MDGA2: variants seen among roughly 807,000 people sequenced by gnomAD.
MDGA2 encodes MAM domain-containing glycosylphosphatidylinositol anchor protein 2.
In MDGA2, 40 loss-of-function variants were observed where a neutral mutation model predicts 117.8. The ratio of observed to expected loss-of-function variants is 0.34; its 90% confidence interval spans 0.26 to 0.44. The LOEUF (loss-of-function observed/expected upper bound fraction) is 0.44, where lower values mean the gene tolerates loss of function less well. Ranked by LOEUF, MDGA2 falls within the 20% of genes least tolerant of loss-of-function variation. MDGA2 has a pLI of 1.00. For missense variants in MDGA2, 1,123 were observed against 1,250.6 expected, an observed-to-expected ratio of 0.90 and a Z score of 1.54; for synonymous variants, 452 against 439.0, an observed-to-expected ratio of 1.03 and a Z score of -0.37.
chr14:47,408,056 C>CTTTTTTTTTTTTTT (rs56285818), intron 1 of MDGA2, among the ~76,000 whole-genome samples: 1 of 115,184 alleles, frequency 8.7e-6, no homozygotes, highest in Non-Finnish European at 1.7e-5. Context: ...GGAGATTATT[C>CTTTTTTTTTTTTTT]TTTTTTTTTT....
intron 2 of MDGA2, among the ~76,000 whole-genome samples, chr14:47,233,431 C>A (rs1886756082): frequency 1.3e-5 from 2 of 152,108 alleles, no homozygotes; most frequent in South Asian, 2.1e-4. Context: ...TTCAAGCTAG[C>A]AATTATGTGA....
chr14:46,861,952 G>A (rs1199021337), intron 14 of MDGA2, among the ~76,000 whole-genome samples: 2 of 151,946 alleles, frequency 1.3e-5, no homozygotes, highest in African/African-American at 4.8e-5. Context: ...ATTCAGCAAA[G>A]CTGATTCAGC....
intron 1 of MDGA2, among the ~76,000 whole-genome samples, chr14:47,534,015 T>A (rs548342384): frequency 1.3e-5 from 2 of 152,162 alleles, no homozygotes; most frequent in Non-Finnish European, 2.9e-5. Flanking sequence ...AGCCTAAACC[T>A]TTTCCACTAT....
intron 1 of MDGA2, among the ~76,000 whole-genome samples, chr14:47,536,275 T>C (rs548905217): frequency 3.3e-5 from 5 of 152,328 alleles, no homozygotes; most frequent in Middle Eastern, 3.4e-3. Flanking sequence ...AAATGAATCA[T>C]TAAAAACAAA....
chr14:47,207,440 T>A (rs941340906), intron 3 of MDGA2, among the ~76,000 whole-genome samples: 2 of 151,844 alleles, frequency 1.3e-5, no homozygotes, highest in Non-Finnish European at 2.9e-5. Flanking sequence ...AGGAGAGAAC[T>A]ATTATTGAGG....
In MDGA2 at chr14:47,582,932, T is replaced by A. The variant is rs75616811; in HGVS notation, c.280+91585A>T. 8.8e-4 allele frequency among the ~76,000 whole-genome samples: 134 copies of A among 152,066 alleles called. 1 individual carries two copies. Among genetic ancestry groups the A allele is most frequent in the African/African-American group, 3.1e-3 (128 of 41,560 alleles). On this transcript the variant is annotated intron_variant, in intron 1 of 16. Coordinates refer to ENST00000399232, the MANE Select transcript of MDGA2 (RefSeq NM_001113498.3). ...TGCATAAGCTTCTAATTACCGCAAGTGAGCAAATGTACATCTTATCGTGAA... is the reference window on the plus strand; with the variant it reads ...TGCATAAGCTTCTAATTACCGCAAGAGAGCAAATGTACATCTTATCGTGAA...
At chr14:47,427,581 A>G (rs1286736343) in intron 1 of MDGA2, among the ~76,000 whole-genome samples, 1 of 152,156 alleles carries the variant, frequency 6.6e-6, no homozygotes, top group Non-Finnish European at 1.5e-5. Context: ...TCTTTTTGCA[A>G]CATTCTCAGT....
intron 2 of MDGA2, among the ~76,000 whole-genome samples, chr14:47,260,653 T>C (rs1293798947): frequency 6.6e-6 from 1 of 152,084 alleles, no homozygotes; most frequent in Non-Finnish European, 1.5e-5. Flanking sequence ...TTTTTGTCTA[T>C]ATAGTCCCTG....
At chr14:47,577,541 T>C (rs897306213) in intron 1 of MDGA2, among the ~76,000 whole-genome samples, 1 of 152,146 alleles carries the variant, frequency 6.6e-6, no homozygotes, top group African/African-American at 2.4e-5. Flanking sequence ...AATCTACCCA[T>C]GTGACAAAGG....
intron 3 of MDGA2, among the ~76,000 whole-genome samples, chr14:47,174,486 T>A (rs536086884): frequency 6.6e-6 from 1 of 152,194 alleles, no homozygotes; most frequent in South Asian, 2.1e-4. Flanking sequence ...AACTCAGGAT[T>A]AAGAAACTCA....
intron 6 of MDGA2, among the ~76,000 whole-genome samples, chr14:47,065,136 T>C (rs748761816): frequency 1.3e-4 from 20 of 152,240 alleles, no homozygotes; most frequent in Non-Finnish European, 2.6e-4. Flanking sequence ...ATGTAAAAGA[T>C]TGGCATCAAG....
At chr14:47,302,833 T>C (rs1290064593) in intron 1 of MDGA2, among the ~76,000 whole-genome samples, 3 of 152,256 alleles carry the variant, frequency 2.0e-5, no homozygotes, top group East Asian at 3.9e-4. Flanking sequence ...TCAGGTTGTA[T>C]TTCATTATCT....
chr14:47,112,014 T>C (rs1023271934), intron 5 of MDGA2, among the ~76,000 whole-genome samples: 1 of 152,254 alleles, frequency 6.6e-6, no homozygotes, highest in South Asian at 2.1e-4. Context: ...TCTTACTGTC[T>C]GCCCAGGCTA....
At chr14:47,439,709 G>C (rs1021273577) in intron 1 of MDGA2, among the ~76,000 whole-genome samples, 21 of 151,870 alleles carry the variant, frequency 1.4e-4, no homozygotes, top group African/African-American at 5.1e-4. Context: ...GTATGTGTGT[G>C]TCTATGTCTG....
chr14:47,631,256 A>C (rs1897245525), intron 1 of MDGA2, among the ~76,000 whole-genome samples: 1 of 152,042 alleles, frequency 6.6e-6, no homozygotes, highest in African/African-American at 2.4e-5. Flanking sequence ...TGATGACCTC[A>C]TTTCTCATTT....
chr14:47,354,218 T>A (rs556940977), intron 1 of MDGA2, among the ~76,000 whole-genome samples: 2 of 152,302 alleles, frequency 1.3e-5, no homozygotes, highest in African/African-American at 4.8e-5. Context: ...TTTGAAAATT[T>A]TTCTTCTAAG....
chr14:47,581,908 T>C (rs1896236158), intron 1 of MDGA2, among the ~76,000 whole-genome samples: 1 of 151,944 alleles, frequency 6.6e-6, no homozygotes, highest in East Asian at 1.9e-4. Context: ...TTCTGCCCAG[T>C]GCTGCATTCA....
At chr14:47,577,954 C>T (rs1458860060) in intron 1 of MDGA2, among the ~76,000 whole-genome samples, 1 of 152,090 alleles carries the variant, frequency 6.6e-6, no homozygotes, top group African/African-American at 2.4e-5. Flanking sequence ...CATCCTACGG[C>T]AAAGACACAT....
intron 2 of MDGA2, among the ~76,000 whole-genome samples, chr14:47,271,051 T>C (rs1214518837): frequency 6.6e-6 from 1 of 152,190 alleles, no homozygotes; most frequent in African/African-American, 2.4e-5. Context: ...AACTTTAGTC[T>C]TGAATGCATA....
Sources: gnomAD v4.1 joint callset for allele counts (sites outside exome capture counted in the v4.1 genomes callset) on GRCh38, gnomAD v4.1.1 for gene constraint, MANE v1.5 for transcripts, NCBI Gene and HGNC (gene_info 2026-07-23, HGNC 2026-07-21) for gene names.